The following GRM8 variants were observed in gnomAD, a reference collection of about 807,000 sequenced individuals.
The protein encoded by GRM8 is glutamate metabotropic receptor 8, also known as metabotropic glutamate receptor 8.
Under a neutral mutation model 87.2 loss-of-function variants are expected in GRM8, and 47 were observed. The ratio of observed to expected loss-of-function variants is 0.54; its 90% CI spans 0.43 to 0.69. The LOEUF is 0.69. GRM8 is among the 30% of genes least tolerant of loss of function. GRM8 has a pLI of 0.00. For missense variants in GRM8, 1,019 were observed against 1,139.2 expected, an observed-to-expected ratio of 0.89 and a Z score of 1.52; for synonymous variants, 396 against 404.5, an observed-to-expected ratio of 0.98 and a Z score of 0.25.
At chr7:127,156,254 G>A (rs571108524) in intron 2 of GRM8, among the ~76,000 whole-genome samples, 3 of 152,224 alleles carry the variant, frequency 2.0e-5, no homozygotes, top group Middle Eastern at 3.4e-3. Context: ...CCACTGGGGT[G>A]GAAGAATAGC....
At chr7:126,540,452 T>C (rs548494054) in intron 8 of GRM8, among the ~76,000 whole-genome samples, 3 of 152,254 alleles carry the variant, frequency 2.0e-5, no homozygotes, top group South Asian at 2.1e-4. Flanking sequence ...ATACCAAAGA[T>C]AGTTAAAAAC....
At chr7:127,213,232 T>G (rs186207154) in intron 2 of GRM8, among the ~76,000 whole-genome samples, 136 of 152,330 alleles carry the variant, frequency 8.9e-4, no homozygotes, top group Non-Finnish European at 5.4e-4. Flanking sequence ...ACCTTAGATG[T>G]CACCTTAGAT....
chr7:127,065,963 C>T (rs1350273897), intron 3 of GRM8, among the ~76,000 whole-genome samples: 1 of 152,176 alleles, frequency 6.6e-6, no homozygotes, highest in Non-Finnish European at 1.5e-5. Flanking sequence ...TGAAATCATT[C>T]ACGATTCTGA....
At chr7:126,490,490 T>G (rs543548699) in intron 9 of GRM8, among the ~76,000 whole-genome samples, 3 of 152,210 alleles carry the variant, frequency 2.0e-5, no homozygotes, top group African/African-American at 7.2e-5. Context: ...CATGTGTCAT[T>G]TCTTTTAAAA....
At chr7:126,555,410 TACC>T (rs1793031013) in intron 8 of GRM8, among the ~76,000 whole-genome samples, 1 of 152,234 alleles carries the variant, frequency 6.6e-6, no homozygotes, top group South Asian at 2.1e-4. Flanking sequence ...CTTGCGTCAC[TACC>T]AGACAATGCT....
At chr7:126,816,732 T>TTGTGTGTGTGTG (rs3038866) in intron 6 of GRM8, among the ~76,000 whole-genome samples, 56 of 145,938 alleles carry the variant, frequency 3.8e-4, no homozygotes, top group African/African-American at 1.2e-3. Context: ...GTATATGATT[T>TTGTGTGTGTGTG]TGTGTGTGTG....
At position 126,904,227 on chromosome 7, in the gene GRM8, G is replaced by T. The variant is rs1802454316; in HGVS notation, c.864-101C>A. On this transcript the variant is annotated intron_variant, in intron 4 of 10. Coordinates refer to ENST00000339582, the MANE Select transcript of GRM8 (RefSeq NM_000845.3). Reference sequence around the variant, plus strand: ...TTAGGAAGTTGTATACACTCAGTAGGTCACTGTTTAACAATTAAGACGATC... The same window carrying T: ...TTAGGAAGTTGTATACACTCAGTAGTTCACTGTTTAACAATTAAGACGATC... The T allele has an allele frequency of 5.3e-6, 5 of 947,452 alleles. No individual in the cohort carries two copies. In the South Asian group the frequency reaches 6.4e-5, roughly 12 times the overall value. The allele number at this position is 947,452 out of a possible 1,614,324, so 58.7% of individuals were successfully genotyped here. A position where few individuals can be genotyped will look rare whatever the true frequency, so the allele number is the denominator to read the frequency against.
chr7:126,764,094 ATAAT>A (rs1192007230), intron 7 of GRM8, among the ~76,000 whole-genome samples: 8 of 151,954 alleles, frequency 5.3e-5, no homozygotes, highest in African/African-American at 1.7e-4. Context: ...TCTTTCTAAT[ATAAT>A]TATTGTCGAG....
chr7:127,122,470 T>TAAA (rs61078885), intron 2 of GRM8, among the ~76,000 whole-genome samples: 3 of 147,772 alleles, frequency 2.0e-5, no homozygotes, highest in Non-Finnish European at 3.0e-5. Flanking sequence ...GCTTTCTATT[T>TAAA]AAAAAAAAAA....
intron 8 of GRM8, among the ~76,000 whole-genome samples, chr7:126,597,354 T>G (rs781056710): frequency 6.6e-6 from 1 of 152,080 alleles, no homozygotes; most frequent in Non-Finnish European, 1.5e-5. Flanking sequence ...TACTTTTCAG[T>G]TCTTAGTTGT....
intron 6 of GRM8, among the ~76,000 whole-genome samples, chr7:126,838,385 C>A (rs1321964069): frequency 5.3e-5 from 8 of 152,168 alleles, no homozygotes; most frequent in Admixed American, 5.2e-4. Flanking sequence ...TCTGCTTATT[C>A]AACACTGAGG....
rs576917636 is a variant in GRM8 at position 127,055,654 on chromosome 7, C to T, written c.727+50842G>A. Among the ~76,000 whole-genome samples, 6 of 146,298 alleles carry T rather than the reference C, an allele frequency of 4.1e-5. No individual in the cohort carries two copies. The East Asian group carries it at 9.7e-4, about 24-fold the overall frequency. On this transcript the variant is annotated intron_variant, in intron 3 of 10. Coordinates refer to ENST00000339582, the MANE Select transcript of GRM8 (RefSeq NM_000845.3). Reference sequence around the variant, plus strand: ...TGAAGTCCAATCTGCTACCCATCCCCAAATATTTATATATACACACACACA... The same window carrying T: ...TGAAGTCCAATCTGCTACCCATCCCTAAATATTTATATATACACACACACA...
At chr7:126,654,235 G>A (rs1804256105) in intron 7 of GRM8, among the ~76,000 whole-genome samples, 2 of 152,118 alleles carry the variant, frequency 1.3e-5, no homozygotes, top group South Asian at 2.1e-4. Flanking sequence ...TATACTGATC[G>A]CCCCTGGTGA....
At chr7:126,589,753 C>G (rs767764129) in intron 8 of GRM8, among the ~76,000 whole-genome samples, 1 of 152,180 alleles carries the variant, frequency 6.6e-6, no homozygotes, top group Non-Finnish European at 1.5e-5. Flanking sequence ...TCCACTGGAG[C>G]AGGTGCTGCT....
At chr7:126,625,669 C>T (rs908237856) in intron 7 of GRM8, among the ~76,000 whole-genome samples, 2 of 151,986 alleles carry the variant, frequency 1.3e-5, no homozygotes, top group Non-Finnish European at 2.9e-5. Flanking sequence ...CTCAAATAAG[C>T]TGATTCAACT....
intron 3 of GRM8, among the ~76,000 whole-genome samples, chr7:127,031,588 A>C (rs1376474101): frequency 1.3e-5 from 2 of 152,066 alleles, no homozygotes; most frequent in Non-Finnish European, 2.9e-5. Flanking sequence ...TACTCTGTTG[A>C]AATAAAAATA....
intron 7 of GRM8, among the ~76,000 whole-genome samples, chr7:126,662,770 A>C (rs1357208874): frequency 6.6e-6 from 1 of 152,180 alleles, no homozygotes; most frequent in South Asian, 2.1e-4. Flanking sequence ...GTACAACAAG[A>C]GTCGTAAAGC....
rs536330732 is a variant in GRM8, at chr7:126,737,730, C to G, written c.1357+32135G>C. ...TCATTCAGCAAACATCTATTGAACACCTCTTAGCTATGCACTAAACTAAGT... is the reference window on the plus strand; with the variant it reads ...TCATTCAGCAAACATCTATTGAACAGCTCTTAGCTATGCACTAAACTAAGT... On this transcript the variant is annotated intron_variant, in intron 7 of 10. Transcript: ENST00000339582. Among the ~76,000 whole-genome samples, 9 of 152,126 alleles carry G rather than the reference C, an allele frequency of 5.9e-5. No individual in the cohort carries two copies. The South Asian group carries it at 1.9e-3, about 32-fold the overall frequency.
chr7:126,534,805 C>T lies in GRM8; in HGVS notation c.1495-918G>A, dbSNP rs564428679. 1.2e-4 allele frequency among the ~76,000 whole-genome samples: 18 copies of T among 152,258 alleles called. 1 individual carries two copies. Among genetic ancestry groups the T allele is most frequent in the South Asian group, 2.1e-4 (1 of 4,822 alleles). ...GGACAAAACTGAAAATTACAGATGA[C>T]GGGAGACCACTTACTATGAAAAGCA... On this transcript the variant is annotated intron_variant, in intron 8 of 10. Transcript: ENST00000339582.
Sources: allele counts gnomAD v4.1 joint callset (sites outside exome capture counted in the v4.1 genomes callset), GRCh38; gene constraint gnomAD v4.1.1; transcripts MANE v1.5; gene names NCBI Gene and HGNC (gene_info 2026-07-23, HGNC 2026-07-21).